Variants in LDB2 observed in about 807,000 individuals in gnomAD.
LDB2 encodes LIM domain-binding protein 2.
Under a neutral mutation model 44.3 loss-of-function variants are expected in LDB2, and 12 were observed. The observed-to-expected ratio is 0.27, with a 90% CI of 0.17 to 0.44. The LOEUF is 0.44. Among genes scored for constraint, LDB2 ranks in the 20% least tolerant of loss-of-function variants. LDB2 has a pLI of 1.00. For missense variants in LDB2, 344 were observed against 473.5 expected (o/e 0.73, Z 2.54); for synonymous variants, 164 against 174.8 (o/e 0.94, Z 0.49).
At chr4:16,794,925 G>C (rs1439166775) in intron 1 of LDB2, among the ~76,000 whole-genome samples, 1 of 152,128 alleles carries the variant, frequency 6.6e-6, no homozygotes, top group Non-Finnish European at 1.5e-5. Context: ...TGACAGTATT[G>C]AGCACTCATG....
chr4:16,847,807 G>A (rs950483984), intron 1 of LDB2, among the ~76,000 whole-genome samples: 6 of 152,118 alleles, frequency 3.9e-5, no homozygotes, highest in Admixed American at 2.0e-4. Flanking sequence ...TTGTAGAGAC[G>A]GGGTTTTACC....
chr4:16,599,731 C>T (rs1722044101), intron 2 of LDB2, among the ~76,000 whole-genome samples: 1 of 152,182 alleles, frequency 6.6e-6, no homozygotes, highest in South Asian at 2.1e-4. Context: ...AACAAAATCC[C>T]ATGTGCCTGA....
At chr4:16,619,811 T>C (rs1049676063) in intron 2 of LDB2, among the ~76,000 whole-genome samples, 2 of 151,730 alleles carry the variant, frequency 1.3e-5, no homozygotes, top group African/African-American at 2.4e-5. Context: ...TTTTTTTTTT[T>C]CTCCTGGCTT....
In LDB2 at chr4:16,809,844, G is replaced by C. The variant is rs1329586349; in HGVS notation, c.133-50584C>G. On this transcript the variant is annotated intron_variant, in intron 1 of 7. Transcript: ENST00000304523. ...TATTGATGTGTCAATGCATGTTGTC[G>C]AGTGGATCATAGCAGGATGGCTTTG... is the stretch of plus-strand genomic sequence containing the variant. Among the ~76,000 whole-genome samples the C allele has an allele frequency of 2.0e-5, 3 of 152,266 alleles. No individual in the cohort carries two copies. In the East Asian group the frequency reaches 5.8e-4, roughly 29 times the overall value.
At chr4:16,535,307 C>T (rs907229792) in intron 5 of LDB2, among the ~76,000 whole-genome samples, 5 of 152,218 alleles carry the variant, frequency 3.3e-5, no homozygotes, top group Admixed American at 1.3e-4. Context: ...CACCCCTTCT[C>T]ATCACTGTGC....
At position 16,813,301 on chromosome 4, in the gene LDB2, G is replaced by T. The variant is rs1579906968; in HGVS notation, c.133-54041C>A. On this transcript the variant is annotated intron_variant, in intron 1 of 7. Transcript: ENST00000304523. ...GTGCCCAGCCTCAGTTTACTCATTT[G>T]TATGATAAGACTATTCATAGCATTT... 2.6e-5 allele frequency among the ~76,000 whole-genome samples: 4 copies of T among 152,244 alleles called. No homozygotes were observed. The South Asian group carries it at 8.3e-4, about 32-fold the overall frequency.
intron 1 of LDB2, among the ~76,000 whole-genome samples, chr4:16,822,567 G>C (rs1782299010): frequency 6.6e-6 from 1 of 152,102 alleles, no homozygotes. Flanking sequence ...CCTGGCTGGA[G>C]TGCTACAGTG....
At chr4:16,884,855 T>C (rs1721176943) in intron 1 of LDB2, among the ~76,000 whole-genome samples, 1 of 152,206 alleles carries the variant, frequency 6.6e-6, no homozygotes, top group African/African-American at 2.4e-5. Context: ...ATAGATTCTG[T>C]TATTCCCTAC....
intron 1 of LDB2, among the ~76,000 whole-genome samples, chr4:16,786,202 G>A (rs746736740): frequency 2.6e-5 from 4 of 152,114 alleles, no homozygotes; most frequent in East Asian, 3.9e-4. Flanking sequence ...TAAGTCAGCC[G>A]ATCTACCAGT....
intron 2 of LDB2, among the ~76,000 whole-genome samples, chr4:16,698,596 T>C (rs995808158): frequency 1.3e-5 from 2 of 152,210 alleles, no homozygotes; most frequent in Admixed American, 1.3e-4. Flanking sequence ...TTTATTCTAC[T>C]GGATTTGTTA....
chr4:16,711,561 G>T (rs1393026519), intron 2 of LDB2, among the ~76,000 whole-genome samples: 2 of 152,190 alleles, frequency 1.3e-5, no homozygotes, highest in African/African-American at 2.4e-5. Context: ...TCTGATCTGG[G>T]TTTTAACAAG....
At chr4:16,612,876 C>T (rs1287570866) in intron 2 of LDB2, among the ~76,000 whole-genome samples, 1 of 152,054 alleles carries the variant, frequency 6.6e-6, no homozygotes, top group East Asian at 1.9e-4. Flanking sequence ...TCCTGATACC[C>T]AAACCGGGAA....
rs551529387 is a variant in LDB2, at chr4:16,554,342, G to A, written c.615+31580C>T. Among the ~76,000 whole-genome samples, 34 of 152,254 alleles carry A rather than the reference G, an allele frequency of 2.2e-4. 1 individual carries two copies. The South Asian group carries it at 5.0e-3, about 22-fold the overall frequency. On this transcript the variant is annotated intron_variant, in intron 5 of 7. Transcript: ENST00000304523. ...TGGGATTACAGGTGTGAGCCACTGC[G>A]CCCGGCCAGCCGAAATGGTTTTTGA...
chr4:16,508,146 C>T (rs1720287685), intron 7 of LDB2, among the ~76,000 whole-genome samples: 1 of 152,270 alleles, frequency 6.6e-6, no homozygotes, highest in Non-Finnish European at 1.5e-5. Context: ...GGGACTGAGC[C>T]GCTGGGAGCT....
intron 1 of LDB2, among the ~76,000 whole-genome samples, chr4:16,808,591 C>T (rs1561298783): frequency 6.6e-6 from 1 of 152,204 alleles, no homozygotes; most frequent in Admixed American, 6.5e-5. Context: ...AAAGGAGAGA[C>T]TTGAGACAGT....
At chr4:16,756,003 G>A (rs1766563413) in intron 2 of LDB2, among the ~76,000 whole-genome samples, 1 of 152,200 alleles carries the variant, frequency 6.6e-6, no homozygotes, top group African/African-American at 2.4e-5. Context: ...CCCATCAGGG[G>A]AGTGAAGGGC....
chr4:16,689,019 A>T (rs1374558772), intron 2 of LDB2, among the ~76,000 whole-genome samples: 1 of 152,236 alleles, frequency 6.6e-6, no homozygotes, highest in Non-Finnish European at 1.5e-5. Flanking sequence ...AGGAGCTGAG[A>T]CCATCGCTAG....
At chr4:16,736,067 T>C (rs559257736) in intron 2 of LDB2, among the ~76,000 whole-genome samples, 28 of 152,318 alleles carry the variant, frequency 1.8e-4, no homozygotes, top group African/African-American at 6.7e-4. Context: ...CAGCCATCAC[T>C]GGCCAGCCCC....
chr4:16,719,887 T>A (rs1757876399), intron 2 of LDB2, among the ~76,000 whole-genome samples: 1 of 152,174 alleles, frequency 6.6e-6, no homozygotes, highest in Non-Finnish European at 1.5e-5. Flanking sequence ...TCTGCTCATT[T>A]TACAGATGAG....
Sources: gnomAD v4.1 joint callset for allele counts (sites outside exome capture counted in the v4.1 genomes callset) on GRCh38, gnomAD v4.1.1 for gene constraint, MANE v1.5 for transcripts, NCBI Gene and HGNC (gene_info 2026-07-23, HGNC 2026-07-21) for gene names.